The following METTL15 variants were observed in gnomAD, a reference collection of about 807,000 sequenced individuals.
METTL15 encodes methyltransferase 15, mitochondrial 12S rRNA N4-cytidine.
Under a neutral mutation model 38.3 loss-of-function variants are expected in METTL15, and 34 were observed. That is an observed-to-expected ratio of 0.89 (90% CI 0.68 to 1.18). The LOEUF (loss-of-function observed/expected upper bound fraction) is 1.18. Ranked by LOEUF, METTL15 falls within the 50% of genes most tolerant of loss-of-function variation. The pLI, the probability that METTL15 is intolerant of heterozygous loss-of-function variation, is 0.00. For missense variants in METTL15, 438 were observed against 498.4 expected, an observed-to-expected ratio of 0.88 and a Z score of 1.15; for synonymous variants, 162 against 170.9, an observed-to-expected ratio of 0.95 and a Z score of 0.41.
intron 3 of METTL15, among the ~76,000 whole-genome samples, chr11:28,113,899 G>A (rs375528464): frequency 1.1e-4 from 16 of 152,244 alleles, no homozygotes; most frequent in African/African-American, 3.4e-4. Context: ...GTAGGGTAAC[G>A]TAAGTGTTCT....
intron 3 of METTL15, among the ~76,000 whole-genome samples, chr11:28,147,180 C>G (rs1205047148): frequency 6.6e-6 from 1 of 151,866 alleles, no homozygotes; most frequent in Non-Finnish European, 1.5e-5. Context: ...CTTCCAGCAT[C>G]TCTGAGATGG....
chr11:28,518,901 A>G (rs189330679), intron 6 of METTL15, among the ~76,000 whole-genome samples: 192 of 152,346 alleles, frequency 1.3e-3, no homozygotes, highest in African/African-American at 4.5e-3. Context: ...AGAGGGATAT[A>G]TAACTGAGTA....
chr11:28,165,409 G>C (rs1459828991), intron 3 of METTL15, among the ~76,000 whole-genome samples: 3 of 152,002 alleles, frequency 2.0e-5, no homozygotes, highest in Non-Finnish European at 4.4e-5. Flanking sequence ...ACTGTAATTT[G>C]CATTTCCCTG....
chr11:28,470,348 C>CT (rs936468854), intron 6 of METTL15, among the ~76,000 whole-genome samples: 4 of 152,122 alleles, frequency 2.6e-5, no homozygotes, highest in Non-Finnish European at 5.9e-5. Context: ...ACCTGACCCT[C>CT]TTGTGGCCAG....
chr11:28,114,029 T>C (rs1373662814), intron 3 of METTL15, among the ~76,000 whole-genome samples: 1 of 152,160 alleles, frequency 6.6e-6, no homozygotes, highest in Non-Finnish European at 1.5e-5. Flanking sequence ...AACCCCCTTG[T>C]AAGTTGAGGA....
chr11:28,138,906 A>G (rs1052374362), intron 3 of METTL15, among the ~76,000 whole-genome samples: 2 of 152,204 alleles, frequency 1.3e-5, no homozygotes, highest in Non-Finnish European at 2.9e-5. Flanking sequence ...GGAACCATAC[A>G]GGAAGACACA....
chr11:28,529,466 G>T (rs1253090366), downstream of METTL15, among the ~76,000 whole-genome samples: 1 of 151,808 alleles, frequency 6.6e-6, no homozygotes, highest in Non-Finnish European at 1.5e-5. Context: ...ACTTTTTAAA[G>T]AAAAAATATG....
chr11:28,219,518 A>G (rs1174041594), intron 4 of METTL15, among the ~76,000 whole-genome samples: 1 of 151,814 alleles, frequency 6.6e-6, no homozygotes, highest in Admixed American at 6.6e-5. Flanking sequence ...CAGCTCCTTG[A>G]TTTATTGATT....
intron 3 of METTL15, among the ~76,000 whole-genome samples, chr11:28,163,134 A>C (rs1850530107): frequency 7.3e-6 from 1 of 137,472 alleles, no homozygotes; most frequent in African/African-American, 2.5e-5. Flanking sequence ...GATATTGCTG[A>C]AAAGTTTAAT....
intron 6 of METTL15, among the ~76,000 whole-genome samples, chr11:28,461,294 G>T (rs1851211950): frequency 6.6e-6 from 1 of 152,038 alleles, no homozygotes; most frequent in South Asian, 2.1e-4. Flanking sequence ...GTCTTCTTAG[G>T]AAAGTAGATA....
intron 6 of METTL15, among the ~76,000 whole-genome samples, chr11:28,511,625 C>T (rs1461456088): frequency 1.3e-5 from 2 of 152,262 alleles, no homozygotes; most frequent in East Asian, 1.9e-4. Context: ...GTGAGTGTTA[C>T]AGCTCTTAAG....
intron 3 of METTL15, among the ~76,000 whole-genome samples, chr11:28,189,859 A>G (rs1217173846): frequency 6.6e-6 from 1 of 151,264 alleles, no homozygotes; most frequent in Non-Finnish European, 1.5e-5. Context: ...GTTGATCACA[A>G]TCAGCTGTGT....
At chr11:28,173,650 C>G (rs1253192693) in intron 3 of METTL15, among the ~76,000 whole-genome samples, 1 of 152,108 alleles carries the variant, frequency 6.6e-6, no homozygotes, top group Non-Finnish European at 1.5e-5. Context: ...TAACTAAAGT[C>G]TGTTCTTTAC....
chr11:28,136,501 C>A (rs377559801), intron 3 of METTL15, among the ~76,000 whole-genome samples: 4 of 152,194 alleles, frequency 2.6e-5, no homozygotes, highest in African/African-American at 9.6e-5. Flanking sequence ...TTGGGTATAT[C>A]TTTATTAGCA....
At position 28,330,496 on chromosome 11, in the gene METTL15, C is replaced by T; in HGVS notation, c.879C>T (p.Asn293=). The stretch of plus-strand genomic sequence containing the variant: ...TCCAGGCTCTTCGCATATTTGTGAA[C>T]AATGAGCTCAATGAACTCTACACGG... The part of the protein sequence containing the change: ...KTFQALRIFV[N]NELNELYTGL... The change falls in exon 7 of 7, where the codon AAC becomes AAT. Residue 293 remains asparagine, a synonymous_variant. Coordinates refer to ENST00000407364, the MANE Select transcript of METTL15 (RefSeq NM_001113528.2). 1 of 1,551,602 alleles carries T rather than the reference C, an allele frequency of 6.4e-7. No individual in the cohort carries two copies. The highest frequency in any genetic ancestry group is 1.2e-5 in the South Asian group (1 of 84,058).
chr11:28,397,677 G>C (rs1221257845), intron 5 of METTL15, among the ~76,000 whole-genome samples: 2 of 152,060 alleles, frequency 1.3e-5, no homozygotes, highest in Non-Finnish European at 2.9e-5. Flanking sequence ...GGAAGTCAGT[G>C]TGGCGATTCC....
chr11:28,377,833 T>C (rs1850334775), intron 5 of METTL15, among the ~76,000 whole-genome samples: 3 of 151,512 alleles, frequency 2.0e-5, no homozygotes, highest in African/African-American at 7.2e-5. Context: ...GATGGGTTTT[T>C]GGTGTGGATG....
chr11:28,523,754 T>C (rs1310359620), intron 6 of METTL15, among the ~76,000 whole-genome samples: 2 of 152,262 alleles, frequency 1.3e-5, no homozygotes, highest in African/African-American at 2.4e-5. Context: ...AGGCCCATTC[T>C]ATGAATTTGA....
intron 4 of METTL15, among the ~76,000 whole-genome samples, chr11:28,265,594 A>G (rs1855382090): frequency 6.6e-6 from 1 of 151,974 alleles, no homozygotes; most frequent in Admixed American, 6.6e-5. Context: ...TATCATGTCA[A>G]TCAATTTCAT....
Sources: gnomAD v4.1 joint callset for allele counts (sites outside exome capture counted in the v4.1 genomes callset) on GRCh38, gnomAD v4.1.1 for gene constraint, MANE v1.5 for transcripts, NCBI Gene and HGNC (gene_info 2026-07-23, HGNC 2026-07-21) for gene names.